The following OTX2 variants were observed in gnomAD, a reference collection of about 807,000 sequenced individuals.
OTX2 encodes orthodenticle homeobox 2.
OTX2 carries 4 observed loss-of-function variants against 29.0 expected under a neutral mutation model. The observed-to-expected ratio is 0.14, with a 90% confidence interval of 0.07 to 0.32. OTX2 has a LOEUF of 0.32. OTX2 is among the 10% of genes least tolerant of loss of function. The pLI is 1.00. For missense variants in OTX2, 298 were observed against 365.9 expected (o/e 0.81, Z 1.51); for synonymous variants, 134 against 141.0 (o/e 0.95, Z 0.35).
At position 56,803,503 on chromosome 14, in the gene OTX2, T is replaced by C. The variant is rs1891967175; in HGVS notation, c.273+685A>G. Among the ~76,000 whole-genome samples the C allele has an allele frequency of 1.3e-5, 2 of 152,152 alleles. 1 individual carries two copies. The highest frequency in any genetic ancestry group is 4.1e-4 in the South Asian group (2 of 4,822). ...AGGAGAGGCCCAGGTGTGTATGTGG[T>C]TTATGTGCTAAACACTTTGCAGAGA... On this transcript the variant is annotated intron_variant, in intron 4 of 4. Coordinates refer to ENST00000672264, the MANE Select transcript of OTX2 (RefSeq NM_021728.4).
rs1483710748 is a variant in OTX2 at position 56,800,053 on chromosome 14, G to A, written c.*1682C>T. The A allele has an allele frequency of 6.6e-6, 1 of 152,072 alleles. No homozygotes were observed. The highest frequency in any genetic ancestry group is 2.1e-4 in the South Asian group (1 of 4,822). The allele number at this position is 152,072 out of a possible 1,614,324, so 9.4% of individuals were successfully genotyped here. On this transcript the variant is annotated 3_prime_UTR_variant, in exon 5 of 5. Transcript: ENST00000672264. ...GATCATTGGCCCATTTGTCTTTTCT[G>A]GTGACTGGTTTACAAAATGCAGGTA...
At position 56,800,489 on chromosome 14, in the gene OTX2, T is replaced by G. The variant is rs1048975695; in HGVS notation, c.*1246A>C. 1 of 151,992 alleles carries G rather than the reference T, an allele frequency of 6.6e-6. No individual in the cohort carries two copies. Among genetic ancestry groups the G allele is most frequent in the African/African-American group, 2.4e-5 (1 of 41,340 alleles). 9.4% of individuals were successfully genotyped at this position (151,992 alleles called of 1,614,324 possible). On this transcript the variant is annotated 3_prime_UTR_variant, in exon 5 of 5. Transcript: ENST00000672264. ...AAAACAAGATCTTGTTGTTAGGCTC[T>G]CCAAACTCAATTTCAGAGCAATCCT...
At chr14:56,806,356 T>C (rs902766162) in intron 2 of OTX2, among the ~76,000 whole-genome samples, 9 of 152,254 alleles carry the variant, frequency 5.9e-5, no homozygotes, top group Non-Finnish European at 1.3e-4. Context: ...GAACGAAAGC[T>C]AAACAAACAA....
chr14:56,805,668 A>G (rs1892064303), intron 2 of OTX2, 93 bp from the exon 3 acceptor site: 1 of 580,788 alleles, frequency 1.7e-6, no homozygotes, highest in African/African-American at 1.8e-5. Context: ...TAAAAAGAGC[A>G]CGGACTAGGC....
At chr14:56,809,517 GC>G (rs1892204299) in intron 2 of OTX2, among the ~76,000 whole-genome samples, 1 of 152,206 alleles carries the variant, frequency 6.6e-6, no homozygotes, top group Admixed American at 6.5e-5. Context: ...AGCAGTGAGC[GC>G]CGGGGCGGAC....
At chr14:56,805,273 C>G in intron 3 of OTX2, 87 bp downstream of exon 3, 1 of 898,494 alleles carries the variant, frequency 1.1e-6, no homozygotes, top group Non-Finnish European at 1.8e-6. Context: ...GACTGCCAAC[C>G]CCCGTGTTCC....
At position 56,802,107 on chromosome 14, in the gene OTX2, G is replaced by A; in HGVS notation, c.522C>T (p.Thr174=). The change falls in exon 5 of 5, where the codon ACC becomes ACT. Residue 174 remains threonine (T), a synonymous_variant. Coordinates refer to ENST00000672264, the MANE Select transcript of OTX2 (RefSeq NM_021728.4). The surrounding 1 kb of genome is among the most constrained non-coding windows in gnomAD (Gnocchi z 4.4). ...AGGACCTCTGCATGCAGGAAGAGGA[G>A]GTGGACAAGGGATCTGACAGTGGGG... ...SISPLSDPLS[T]SSSCMQRSYP... The A allele has an allele frequency of 6.2e-7, 1 of 1,614,188 alleles. No individual in the cohort carries two copies. The highest frequency in any genetic ancestry group is 8.5e-7 in the Non-Finnish European group (1 of 1,180,036).
In OTX2 at chr14:56,801,880, C is replaced by T. The variant is rs746941491; in HGVS notation, c.749G>A (p.Gly250Glu). 1 of 1,614,160 alleles carries T rather than the reference C, an allele frequency of 6.2e-7. No homozygotes were observed. Among genetic ancestry groups the T allele is most frequent in the Admixed American group, 1.7e-5 (1 of 60,028 alleles). The change falls in exon 5 of 5, where the codon GGA becomes GAA. Residue 250 changes from glycine to glutamate, a missense_variant. By Grantham distance (98) the Gly-to-Glu change is moderately conservative. Coordinates refer to ENST00000672264, the MANE Select transcript of OTX2 (RefSeq NM_021728.4). The surrounding 1 kb of genome is among the most constrained non-coding windows in gnomAD (Gnocchi z 4.2). ...NQSPASLSTQ[G>E]YGASSLGFNS... ...AAAACCCAAGCTTGAAGCTCCATAT[C>T]CCTGGGTGGAAAGAGAAGCTGGGGA...
chr14:56,805,790 T>G, intron 2 of OTX2: 2 of 183,778 alleles, frequency 1.1e-5, no homozygotes, highest in South Asian at 1.2e-4. Flanking sequence ...TAAACCTGTC[T>G]TCCCCACCCC....
Position 56,802,408 on chromosome 14 carries a change from A to G in OTX2, c.274-53T>C. On this transcript the variant is annotated intron_variant, in intron 4 of 4. Coordinates refer to ENST00000672264, the MANE Select transcript of OTX2 (RefSeq NM_021728.4). The surrounding 1 kb of genome is among the most constrained non-coding windows in gnomAD (Gnocchi z 4.4). ...TCGGTTTTGATAGTTCCTTAAGGAC[A>G]AGAATGGCTCCCGTATTATAAATCT... The G allele has an allele frequency of 6.3e-7, 1 of 1,588,098 alleles. No homozygotes were observed. The highest frequency in any genetic ancestry group is 8.6e-7 in the Non-Finnish European group (1 of 1,158,986).
chr14:56,806,484 T>A (rs556217449), intron 2 of OTX2, among the ~76,000 whole-genome samples: 1 of 152,232 alleles, frequency 6.6e-6, no homozygotes, highest in Non-Finnish European at 1.5e-5. Context: ...ACCAATCAGA[T>A]AATGACGGGA....
In OTX2 at chr14:56,801,385, A is replaced by C. The variant is rs1281712076; in HGVS notation, c.*350T>G. Reference sequence around the variant, plus strand: ...TAAAACAATGGAACACCTCTGCTTAAGAAGGCTATGACCTTCCCTCCCTTC... The same window carrying C: ...TAAAACAATGGAACACCTCTGCTTACGAAGGCTATGACCTTCCCTCCCTTC... On this transcript the variant is annotated 3_prime_UTR_variant, in exon 5 of 5. Coordinates refer to ENST00000672264, the MANE Select transcript of OTX2 (RefSeq NM_021728.4). The surrounding 1 kb of genome is among the most constrained non-coding windows in gnomAD (Gnocchi z 4.2). 8.5e-6 allele frequency: 3 copies of C among 350,922 alleles called. No individual in the cohort carries two copies. The East Asian group carries it at 2.1e-4, about 24-fold the overall frequency. The allele number at this position is 350,922 out of a possible 1,614,324, so 21.7% of individuals were successfully genotyped here. A position where few individuals can be genotyped will look rare whatever the true frequency, so the allele number is the denominator to read the frequency against.
rs774907916 is a variant in OTX2 at position 56,805,400 on chromosome 14, A to G, written c.57T>C (p.Thr19=). 6.2e-7 allele frequency: 1 copy of G among 1,614,020 alleles called. No individual in the cohort carries two copies. Among genetic ancestry groups the G allele is most frequent in the South Asian group, 1.1e-5 (1 of 91,076 alleles). The stretch of plus-strand genomic sequence containing the variant: ...AGGGGTGCAGCAAGTCCATACCCGA[A>G]GTGGTCAGACTCAGCCCATTGACTG... ...PYAVNGLSLT[T]SGMDLLHPSV... The change falls in exon 3 of 5, where the codon ACT becomes ACC. Residue 19 remains threonine, a synonymous_variant. Transcript: ENST00000672264.
At position 56,805,509 on chromosome 14, in the gene OTX2, G is replaced by A; in HGVS notation, c.-53C>T. Reference sequence around the variant, plus strand: ...GGCCCAAATCGGGGGTACCCAGCTGGAAGATCTTGATGCGCCCGGGGTGGA... The same window carrying A: ...GGCCCAAATCGGGGGTACCCAGCTGAAAGATCTTGATGCGCCCGGGGTGGA... On this transcript the variant is annotated 5_prime_UTR_variant, in exon 3 of 5. Transcript: ENST00000672264. 8.2e-7 allele frequency: 1 copy of A among 1,213,164 alleles called. No homozygotes were observed. Among genetic ancestry groups the A allele is most frequent in the African/African-American group, 1.5e-5 (1 of 67,460 alleles). 75.1% of individuals were successfully genotyped at this position (1,213,164 alleles called of 1,614,324 possible). A position where few individuals can be genotyped will look rare whatever the true frequency, so the allele number is the denominator to read the frequency against.
In OTX2 at chr14:56,804,904, G is replaced by A. The variant is rs373666601; in HGVS notation, c.97+456C>T. The stretch of plus-strand genomic sequence containing the variant: ...GCCTCTTGGGATTAAAGCAGGCTCT[G>A]GAGGTCATAGGGGAAGGCCTGGGCA... On this transcript the variant is annotated intron_variant, in intron 3 of 4. Transcript: ENST00000672264. The surrounding 1 kb of genome is among the most constrained non-coding windows in gnomAD (Gnocchi z 4.1). 6.6e-6 allele frequency among the ~76,000 whole-genome samples: 1 copy of A among 152,306 alleles called. No homozygotes were observed. The highest frequency in any genetic ancestry group is 1.5e-5 in the Non-Finnish European group (1 of 68,026).
intron 2 of OTX2, among the ~76,000 whole-genome samples, chr14:56,807,565 G>C (rs1892130892): frequency 6.6e-6 from 1 of 152,106 alleles, no homozygotes; most frequent in South Asian, 2.1e-4. Context: ...AAGCACCAGG[G>C]CCGAGATCCT....
chr14:56,800,111 G>C lies in OTX2; in HGVS notation c.*1624C>G, dbSNP rs994748824. On this transcript the variant is annotated 3_prime_UTR_variant, in exon 5 of 5. Coordinates refer to ENST00000672264, the MANE Select transcript of OTX2 (RefSeq NM_021728.4). ...AAAGGGACCCATTTTTTCCCCCTCG[G>C]CACTTTCTTAAACACATACACACAA... 1.3e-5 allele frequency: 2 copies of C among 151,890 alleles called. No homozygotes were observed. Among genetic ancestry groups the C allele is most frequent in the Non-Finnish European group, 2.9e-5 (2 of 67,976 alleles). The allele number at this position is 151,890 out of a possible 1,614,324, so 9.4% of individuals were successfully genotyped here.
In OTX2 at chr14:56,802,448, G is replaced by T. The variant is rs1891927737; in HGVS notation, c.274-93C>A. The T allele has an allele frequency of 2.9e-6, 4 of 1,386,856 alleles. No homozygotes were observed. In the African/African-American group the frequency reaches 4.2e-5, roughly 15 times the overall value. 85.9% of individuals were successfully genotyped at this position (1,386,856 alleles called of 1,614,324 possible). On this transcript the variant is annotated intron_variant, in intron 4 of 4. Transcript: ENST00000672264. The surrounding 1 kb of genome is among the most constrained non-coding windows in gnomAD (Gnocchi z 4.4). ...ATTATAAATCTATCCTACATGGGCA[G>T]ATCAGCTAAACACACAATTTCCCCT... is the stretch of plus-strand genomic sequence containing the variant.
At chr14:56,808,419 G>A (rs1250840250) in intron 2 of OTX2, among the ~76,000 whole-genome samples, 1 of 152,186 alleles carries the variant, frequency 6.6e-6, no homozygotes, top group Non-Finnish European at 1.5e-5. Context: ...CGCGGAAAAC[G>A]GCCGGCGCTG....
Sources: allele counts gnomAD v4.1 joint callset (sites outside exome capture counted in the v4.1 genomes callset), GRCh38; gene constraint gnomAD v4.1.1; non-coding constraint Gnocchi (gnomAD v3.1); transcripts MANE v1.5; gene names NCBI Gene and HGNC (gene_info 2026-07-23, HGNC 2026-07-21).